The following LHFPL6 variants were observed in gnomAD, a reference collection of about 807,000 sequenced individuals.
LHFPL6 encodes the protein LHFPL tetraspan subfamily member 6.
Under a neutral mutation model 20.6 loss-of-function variants are expected in LHFPL6, and 9 were observed. The ratio of observed to expected loss-of-function variants is 0.44; its 90% confidence interval spans 0.26 to 0.76. The LOEUF is 0.76. Ranked by LOEUF, LHFPL6 falls within the 30% of genes least tolerant of loss-of-function variation. The probability of loss-of-function intolerance (pLI) is 0.20; values close to 1 mark genes in which losing one functional copy is unlikely to be tolerated. For missense variants in LHFPL6, 218 were observed against 253.5 expected (o/e 0.86, Z 0.95); for synonymous variants, 105 against 98.7 (o/e 1.06, Z -0.38).
chr13:39,506,486 T>C (rs1869488214), intron 2 of LHFPL6, among the ~76,000 whole-genome samples: 1 of 152,236 alleles, frequency 6.6e-6, no homozygotes, highest in Non-Finnish European at 1.5e-5. Flanking sequence ...TAATTTTCTA[T>C]CCAGCCAGGC....
chr13:39,395,290 A>C (rs1870813888), intron 2 of LHFPL6, among the ~76,000 whole-genome samples: 1 of 152,212 alleles, frequency 6.6e-6, no homozygotes, highest in Admixed American at 6.5e-5. Flanking sequence ...TCTCCCTTTC[A>C]TTGCTGTTTC....
chr13:39,497,251 A>C (rs7324077), intron 2 of LHFPL6, among the ~76,000 whole-genome samples: 47,079 of 151,866 alleles, frequency 0.31, 7,717 homozygotes, highest in Middle Eastern at 0.42. Context: ...CGGCTATCAC[A>C]AAGCCACAAG....
At chr13:39,395,910 T>C (rs536527943) in intron 2 of LHFPL6, among the ~76,000 whole-genome samples, 2 of 152,356 alleles carry the variant, frequency 1.3e-5, no homozygotes, top group South Asian at 2.1e-4. Flanking sequence ...GCTTTCAGTA[T>C]AGATTCTATT....
intron 3 of LHFPL6, among the ~76,000 whole-genome samples, chr13:39,374,629 C>T (rs1426461472): frequency 1.3e-5 from 2 of 152,100 alleles, no homozygotes; most frequent in African/African-American, 4.8e-5. Flanking sequence ...ACTCACAAAG[C>T]GGAAGATATT....
At chr13:39,359,595 A>C (rs1253535139) in intron 3 of LHFPL6, among the ~76,000 whole-genome samples, 1 of 152,218 alleles carries the variant, frequency 6.6e-6, no homozygotes, top group Non-Finnish European at 1.5e-5. Flanking sequence ...AAACATGTAC[A>C]TAAAGATGGG....
At chr13:39,373,993 C>T (rs1446926935) in intron 3 of LHFPL6, among the ~76,000 whole-genome samples, 1 of 152,108 alleles carries the variant, frequency 6.6e-6, no homozygotes, top group Non-Finnish European at 1.5e-5. Flanking sequence ...TAATAAAGAA[C>T]TACCATTCAA....
intron 2 of LHFPL6, among the ~76,000 whole-genome samples, chr13:39,595,630 C>T (rs1288160569): frequency 6.6e-6 from 1 of 152,144 alleles, no homozygotes; most frequent in Non-Finnish European, 1.5e-5. Flanking sequence ...TGGCAAAGCC[C>T]CACTCCCACT....
chr13:39,351,456 T>TA lies in LHFPL6; in HGVS notation c.485-7403dup, dbSNP rs201306497. On this transcript the variant is annotated intron_variant, in intron 3 of 3. Coordinates refer to ENST00000379589, the MANE Select transcript of LHFPL6 (RefSeq NM_005780.3). ...TTTTTTCCTGTGCTCAGATAATGTA[T>TA]AAAAAAAGATCTTAATCAAATGCAT... Among the ~76,000 whole-genome samples the TA allele has an allele frequency of 8.1e-3, 1,235 of 152,270 alleles. 22 individuals carry two copies. Among genetic ancestry groups the TA allele is most frequent in the African/African-American group, 0.028 (1,170 of 41,544 alleles).
At chr13:39,386,710 T>C (rs762705585) in intron 2 of LHFPL6, among the ~76,000 whole-genome samples, 21 of 152,210 alleles carry the variant, frequency 1.4e-4, no homozygotes, top group Non-Finnish European at 2.5e-4. Flanking sequence ...GAAACATATG[T>C]CAACACAGAG....
rs1463618945 is a variant in LHFPL6, at chr13:39,473,123, G to A, written c.386-94597C>T. 3.3e-5 allele frequency among the ~76,000 whole-genome samples: 5 copies of A among 151,926 alleles called. No individual in the cohort carries two copies. In the East Asian group the frequency reaches 7.7e-4, roughly 23 times the overall value. On this transcript the variant is annotated intron_variant, in intron 2 of 3. Transcript: ENST00000379589. ...CACTAGGTGATAGCTATGCAAGCTC[G>A]GGTTGGAGGGTGGAGATGCAGAGTG...
chr13:39,409,677 T>C (rs1306532178), intron 2 of LHFPL6, among the ~76,000 whole-genome samples: 2 of 152,180 alleles, frequency 1.3e-5, no homozygotes, highest in African/African-American at 4.8e-5. Flanking sequence ...TTACTTCTTA[T>C]GTTTCCTAAA....
chr13:39,344,980 T>A (rs1277751452), intron 3 of LHFPL6, among the ~76,000 whole-genome samples: 1 of 152,240 alleles, frequency 6.6e-6, no homozygotes, highest in African/African-American at 2.4e-5. Context: ...TCTTTCTTAA[T>A]GACATCCAAG....
intron 2 of LHFPL6, among the ~76,000 whole-genome samples, chr13:39,593,336 C>G (rs1195122442): frequency 6.6e-6 from 1 of 151,784 alleles, no homozygotes. Flanking sequence ...TAACAGAGAG[C>G]CAAATCATGA....
chr13:39,595,040 C>T (rs993965883), intron 2 of LHFPL6, among the ~76,000 whole-genome samples: 2 of 152,062 alleles, frequency 1.3e-5, no homozygotes, highest in African/African-American at 4.8e-5. Context: ...ATGGGTGCAG[C>T]ACACCAACAT....
intron 2 of LHFPL6, among the ~76,000 whole-genome samples, chr13:39,518,702 C>A (rs1870007987): frequency 6.6e-6 from 1 of 152,120 alleles, no homozygotes; most frequent in African/African-American, 2.4e-5. Flanking sequence ...GCTTTTGCAT[C>A]TACTAGAACC....
At chr13:39,486,116 T>A (rs533813573) in intron 2 of LHFPL6, among the ~76,000 whole-genome samples, 1 of 152,110 alleles carries the variant, frequency 6.6e-6, no homozygotes, top group Admixed American at 6.5e-5. Flanking sequence ...TTTGCCAACA[T>A]CTGATAGAAC....
chr13:39,403,645 T>C (rs1871044595), intron 2 of LHFPL6, among the ~76,000 whole-genome samples: 1 of 152,210 alleles, frequency 6.6e-6, no homozygotes, highest in African/African-American at 2.4e-5. Flanking sequence ...GCAGAAACTT[T>C]GCCAATAGCC....
intron 2 of LHFPL6, among the ~76,000 whole-genome samples, chr13:39,465,642 T>C (rs1425975318): frequency 6.6e-6 from 1 of 152,054 alleles, no homozygotes; most frequent in African/African-American, 2.4e-5. Flanking sequence ...AACTGGAAAA[T>C]GACTTAATCA....
At chr13:39,572,027 C>T (rs1871934288) in intron 2 of LHFPL6, among the ~76,000 whole-genome samples, 1 of 152,134 alleles carries the variant, frequency 6.6e-6, no homozygotes, top group Non-Finnish European at 1.5e-5. Flanking sequence ...ATCAATATGT[C>T]CAAGGTTATA....
Sources: allele counts gnomAD v4.1 joint callset (sites outside exome capture counted in the v4.1 genomes callset), GRCh38; gene constraint gnomAD v4.1.1; transcripts MANE v1.5; gene names NCBI Gene and HGNC (gene_info 2026-07-23, HGNC 2026-07-21).